Variants in SCFD2 observed in about 807,000 individuals in gnomAD.
SCFD2 encodes the protein sec1 family domain containing 2.
Under a neutral mutation model 58.9 loss-of-function variants are expected in SCFD2, and 54 were observed. The observed-to-expected ratio is 0.92, with a 90% CI of 0.74 to 1.15. SCFD2 has a LOEUF of 1.15. Among genes scored for constraint, SCFD2 ranks in the 50% most tolerant of loss-of-function variants. The pLI is 0.00. For missense variants in SCFD2, 805 were observed against 836.6 expected, an observed-to-expected ratio of 0.96 and a Z score of 0.47; for synonymous variants, 321 against 335.9, an observed-to-expected ratio of 0.96 and a Z score of 0.49.
At chr4:53,070,544 G>C (rs1431799196) in intron 5 of SCFD2, among the ~76,000 whole-genome samples, 1 of 152,002 alleles carries the variant, frequency 6.6e-6, no homozygotes, top group Non-Finnish European at 1.5e-5. Context: ...AGATGCATAA[G>C]AAATAAGTCA....
chr4:53,096,762 TG>T (rs1224254062), intron 5 of SCFD2, among the ~76,000 whole-genome samples: 2 of 152,244 alleles, frequency 1.3e-5, no homozygotes, highest in African/African-American at 4.8e-5. Flanking sequence ...CCATTGCTTT[TG>T]GTGTTTTAGT....
chr4:53,045,246 A>G (rs911114227), intron 5 of SCFD2, among the ~76,000 whole-genome samples: 3 of 152,048 alleles, frequency 2.0e-5, no homozygotes, highest in Non-Finnish European at 4.4e-5. Flanking sequence ...CATACACTCT[A>G]CTGGAATTCA....
At chr4:53,254,844 TATTTTATTTTATTTTATTTA>T (rs1730542596) in intron 4 of SCFD2, among the ~76,000 whole-genome samples, 1 of 146,098 alleles carries the variant, frequency 6.8e-6, no homozygotes, top group Non-Finnish European at 1.5e-5. Flanking sequence ...TATTTTATTT[TATTTTATTTTATTTTATTTA>T]TTTTATTTTA....
At chr4:53,055,013 G>A (rs1471383721) in intron 5 of SCFD2, among the ~76,000 whole-genome samples, 1 of 152,104 alleles carries the variant, frequency 6.6e-6, no homozygotes, top group Non-Finnish European at 1.5e-5. Flanking sequence ...TAACAATAAT[G>A]AAGGAGTTTG....
At chr4:53,124,781 C>A (rs562168997) in intron 5 of SCFD2, among the ~76,000 whole-genome samples, 5 of 152,264 alleles carry the variant, frequency 3.3e-5, no homozygotes, top group African/African-American at 1.2e-4. Context: ...ATAAAAATGT[C>A]AAAACTCTTT....
At chr4:53,247,704 A>G (rs1730143797) in intron 4 of SCFD2, among the ~76,000 whole-genome samples, 1 of 150,970 alleles carries the variant, frequency 6.6e-6, no homozygotes, top group South Asian at 2.1e-4. Context: ...CTAAAAAAAT[A>G]CAAAAAATTA....
At chr4:53,165,097 TC>T (rs1203738130) in intron 4 of SCFD2, among the ~76,000 whole-genome samples, 1 of 152,238 alleles carries the variant, frequency 6.6e-6, no homozygotes, top group East Asian at 1.9e-4. Context: ...CTCTTGCTGC[TC>T]CTGGATTCCA....
At chr4:53,249,632 G>A (rs1461264213) in intron 4 of SCFD2, among the ~76,000 whole-genome samples, 1 of 152,222 alleles carries the variant, frequency 6.6e-6, no homozygotes, top group Admixed American at 6.5e-5. Context: ...CAAGCCAGAA[G>A]AGAGTGGGGG....
chr4:53,059,754 G>C (rs1309662341), intron 5 of SCFD2, among the ~76,000 whole-genome samples: 2 of 151,966 alleles, frequency 1.3e-5, no homozygotes, highest in Non-Finnish European at 2.9e-5. Flanking sequence ...GACTGAGATG[G>C]ACTTCAATAA....
chr4:53,305,161 A>T (rs886192216), intron 3 of SCFD2, among the ~76,000 whole-genome samples: 26 of 152,292 alleles, frequency 1.7e-4, no homozygotes, highest in African/African-American at 6.0e-4. Flanking sequence ...ATTATATATT[A>T]ACCCATTATA....
intron 5 of SCFD2, among the ~76,000 whole-genome samples, chr4:53,022,989 A>G (rs1034021465): frequency 6.6e-6 from 1 of 152,192 alleles, no homozygotes; most frequent in Non-Finnish European, 1.5e-5. Flanking sequence ...TTTGAAAACT[A>G]TCCAAAAGGC....
At chr4:53,166,983 G>A (rs1727030770) in intron 4 of SCFD2, among the ~76,000 whole-genome samples, 1 of 152,054 alleles carries the variant, frequency 6.6e-6, no homozygotes, top group Admixed American at 6.6e-5. Context: ...ACTAAGTCAG[G>A]GGCCTTTACC....
chr4:53,313,843 A>G (rs1443746845), intron 2 of SCFD2, 80 bp from the exon 3 acceptor site: 1 of 1,396,318 alleles, frequency 7.2e-7, no homozygotes, highest in African/African-American at 1.4e-5. Context: ...ATACTTTTTA[A>G]AATATATTTT....
chr4:53,328,828 A>G (rs1288831101), intron 2 of SCFD2, among the ~76,000 whole-genome samples: 2 of 152,184 alleles, frequency 1.3e-5, no homozygotes, highest in Non-Finnish European at 2.9e-5. Context: ...TTTCCATCTG[A>G]GGTACCAGGT....
intron 7 of SCFD2, among the ~76,000 whole-genome samples, chr4:52,890,213 T>C (rs952424145): frequency 2.6e-5 from 4 of 152,286 alleles, no homozygotes; most frequent in South Asian, 2.1e-4. Flanking sequence ...CAAAGACATA[T>C]GCTTTCTATA....
chr4:52,894,640 C>T (rs1718957300), intron 7 of SCFD2, among the ~76,000 whole-genome samples: 1 of 152,216 alleles, frequency 6.6e-6, no homozygotes, highest in African/African-American at 2.4e-5. Flanking sequence ...TCTGCCAAAG[C>T]TGTTTCTCCC....
chr4:53,350,410 T>G (rs1210100466), intron 2 of SCFD2, among the ~76,000 whole-genome samples: 3 of 152,234 alleles, frequency 2.0e-5, no homozygotes, highest in Admixed American at 6.5e-5. Context: ...AGGTTTTTCC[T>G]GAGCCTCTGC....
chr4:52,982,346 C>T (rs1449864331), intron 5 of SCFD2, among the ~76,000 whole-genome samples: 1 of 152,142 alleles, frequency 6.6e-6, no homozygotes, highest in African/African-American at 2.4e-5. Context: ...GAATGGTAGA[C>T]ACATTTATTG....
At position 53,302,704 on chromosome 4, in the gene SCFD2, T is replaced by C. The variant is rs150439173; in HGVS notation, c.1135+10932A>G. On this transcript the variant is annotated intron_variant, in intron 3 of 8. Transcript: ENST00000401642. ...CAAGCTACCTGACTTCGAACTATAC[T>C]ACAAGGCTACAGTCACCAAAACAGC... Among the ~76,000 whole-genome samples, 1,052 of 152,248 alleles carry C rather than the reference T, an allele frequency of 6.9e-3. 17 individuals are homozygous for C. Among genetic ancestry groups the C allele is most frequent in the African/African-American group, 0.024 (1,008 of 41,528 alleles).
Sources: allele counts gnomAD v4.1 joint callset (sites outside exome capture counted in the v4.1 genomes callset), GRCh38; gene constraint gnomAD v4.1.1; transcripts MANE v1.5; gene names NCBI Gene and HGNC (gene_info 2026-07-23, HGNC 2026-07-21).